The following AGAP1 variants were observed in gnomAD, a reference collection of about 807,000 sequenced individuals.
The protein encoded by AGAP1 is ArfGAP with GTPase domain, ankyrin repeat and PH domain 1.
Under a neutral mutation model 105.3 loss-of-function variants are expected in AGAP1, and 29 were observed. The observed-to-expected ratio is 0.28, with a 90% CI of 0.21 to 0.38. AGAP1 has a LOEUF of 0.38. AGAP1 is among the 10% of genes least tolerant of loss of function. The pLI is 1.00. For missense variants in AGAP1, 998 were observed against 1,165.1 expected (o/e 0.86, Z 2.09); for synonymous variants, 509 against 485.9 (o/e 1.05, Z -0.63).
intron 16 of AGAP1, among the ~76,000 whole-genome samples, chr2:236,052,067 C>T (rs575547050): frequency 3.3e-5 from 5 of 152,166 alleles, no homozygotes; most frequent in Non-Finnish European, 7.3e-5. Context: ...GGTCTCTCTG[C>T]AGAACCTACG....
Position 235,606,945 on chromosome 2 carries a change from G to GAA in AGAP1, c.164-102212_164-102211dup, listed in dbSNP as rs5839603. 2.6e-3 allele frequency among the ~76,000 whole-genome samples: 162 copies of GAA among 61,796 alleles called. 2 individuals carry two copies. The highest frequency in any genetic ancestry group is 0.013 in the South Asian group (18 of 1,428). 40.5% of individuals were successfully genotyped at this position (61,796 alleles called of 152,430 possible). A position where few individuals can be genotyped will look rare whatever the true frequency, so the allele number is the denominator to read the frequency against. ...ACAGAGCAAAGCAAGACTGCCTCTTGAAAAAAAAAAAAAAAAAAAAAAAGC... is the reference window on the plus strand; with the variant it reads ...ACAGAGCAAAGCAAGACTGCCTCTTGAAAAAAAAAAAAAAAAAAAAAAAAAGC... On this transcript the variant is annotated intron_variant, in intron 1 of 17. Coordinates refer to ENST00000304032, the MANE Select transcript of AGAP1 (RefSeq NM_001037131.3).
At chr2:235,670,258 G>A in intron 1 of AGAP1, 2 of 509,436 alleles carry the variant, frequency 3.9e-6, no homozygotes, top group African/African-American at 2.0e-5. Context: ...ACCCACGCCC[G>A]GTTCGGCGGC....
intron 9 of AGAP1, among the ~76,000 whole-genome samples, chr2:235,869,556 G>A (rs1165574033): frequency 6.6e-6 from 1 of 151,464 alleles, no homozygotes; most frequent in Non-Finnish European, 1.5e-5. Context: ...AGCCAAGATC[G>A]CGCCACTGCA....
chr2:236,098,123 G>T (rs1477131993), intron 16 of AGAP1, among the ~76,000 whole-genome samples: 1 of 152,152 alleles, frequency 6.6e-6, no homozygotes, highest in Admixed American at 6.5e-5. Context: ...TTTAGCTATT[G>T]TGAATAATGC....
At chr2:236,048,343 C>T (rs1473405234) in intron 15 of AGAP1, among the ~76,000 whole-genome samples, 1 of 152,224 alleles carries the variant, frequency 6.6e-6, no homozygotes, top group Admixed American at 6.5e-5. Context: ...CTGCACAATC[C>T]TTGCACTAGT....
rs1273950315 is a variant in AGAP1 at position 235,724,751 on chromosome 2, T to A, written c.310+7107T>A. Among the ~76,000 whole-genome samples the A allele has an allele frequency of 6.6e-6, 1 of 152,080 alleles. No individual in the cohort carries two copies. Among genetic ancestry groups the A allele is most frequent in the Non-Finnish European group, 1.5e-5 (1 of 67,992 alleles). On this transcript the variant is annotated intron_variant, in intron 3 of 17. Coordinates refer to ENST00000304032, the MANE Select transcript of AGAP1 (RefSeq NM_001037131.3). The surrounding 1 kb of genome is among the most constrained non-coding windows in gnomAD (Gnocchi z 4.9). ...GACCAGTGAGAAACAGTGGGTGAGA[T>A]TAGGCTCGACAGTTCCCTAACTCAG...
intron 13 of AGAP1, among the ~76,000 whole-genome samples, chr2:236,017,477 A>T (rs1013214275): frequency 1.3e-4 from 19 of 141,352 alleles, no homozygotes; most frequent in African/African-American, 4.9e-4. Flanking sequence ...GTCGTGTTAC[A>T]CTAAATATAT....
rs1235865134 is a variant in AGAP1 at position 236,054,589 on chromosome 2, CAT to C, written c.2114+5309_2114+5310del. 5.3e-5 allele frequency among the ~76,000 whole-genome samples: 8 copies of C among 152,006 alleles called. No individual in the cohort carries two copies. The South Asian group carries it at 8.4e-4, about 16-fold the overall frequency. On this transcript the variant is annotated intron_variant, in intron 16 of 17. Transcript: ENST00000304032. Reference sequence around the variant, plus strand: ...GCAGTTGGGTGGCATCTGCTCCCCACATGTCACTTTCCTCATTAACAAGCAAT... The same window carrying C: ...GCAGTTGGGTGGCATCTGCTCCCCACGTCACTTTCCTCATTAACAAGCAAT...
At chr2:236,071,094 G>A (rs528019839) in intron 16 of AGAP1, among the ~76,000 whole-genome samples, 4 of 152,368 alleles carry the variant, frequency 2.6e-5, no homozygotes, top group South Asian at 2.1e-4. Context: ...CGGCTTTGCC[G>A]GCATGGAGTG....
intron 13 of AGAP1, among the ~76,000 whole-genome samples, chr2:236,004,339 T>C (rs143934310): frequency 6.6e-6 from 1 of 152,340 alleles, no homozygotes; most frequent in African/African-American, 2.4e-5. Flanking sequence ...GATTTTAGTG[T>C]GCTGATTAGA....
intron 10 of AGAP1, among the ~76,000 whole-genome samples, chr2:235,885,314 C>T (rs562581384): frequency 6.6e-6 from 1 of 152,078 alleles, no homozygotes; most frequent in African/African-American, 2.4e-5. Flanking sequence ...TATAATATTC[C>T]ACTGTGTGGA....
At chr2:235,996,099 T>G (rs1363733872) in intron 13 of AGAP1, among the ~76,000 whole-genome samples, 1 of 152,212 alleles carries the variant, frequency 6.6e-6, no homozygotes, top group African/African-American at 2.4e-5. Flanking sequence ...CAAATAGCAG[T>G]GCCAGTTAAC....
rs1443814273 is a variant in AGAP1 at position 236,127,523 on chromosome 2, G to A, written c.*3401G>A. 1 of 152,200 alleles carries A rather than the reference G, an allele frequency of 6.6e-6. No individual in the cohort carries two copies. The highest frequency in any genetic ancestry group is 1.5e-5 in the Non-Finnish European group (1 of 68,050). 9.4% of individuals were successfully genotyped at this position (152,200 alleles called of 1,614,324 possible). ...GGGATCTTAATGAATTGCATTTCCT[G>A]CAGAGCCTCTAGTGCACAGGCCAGT... On this transcript the variant is annotated 3_prime_UTR_variant, in exon 18 of 18. Coordinates refer to ENST00000304032, the MANE Select transcript of AGAP1 (RefSeq NM_001037131.3). This position sits in a 1 kb window ranked among gnomAD's most constrained non-coding sequence, Gnocchi z 6.6.
chr2:236,041,388 T>G (rs1346910595), intron 15 of AGAP1, among the ~76,000 whole-genome samples: 2 of 149,826 alleles, frequency 1.3e-5, no homozygotes, highest in Non-Finnish European at 3.0e-5. Context: ...TGATGTCTTG[T>G]TTTTTTTTGG....
At chr2:235,588,086 C>T (rs925762614) in intron 1 of AGAP1, among the ~76,000 whole-genome samples, 1 of 151,978 alleles carries the variant, frequency 6.6e-6, no homozygotes, top group South Asian at 2.1e-4. Flanking sequence ...AAAAATCAGT[C>T]GGGCATGGTG....
rs926020028 is a variant in AGAP1 at position 235,927,642 on chromosome 2, G to A, written c.1325-3123G>A. On this transcript the variant is annotated intron_variant, in intron 11 of 17. Transcript: ENST00000304032. This position sits in a 1 kb window ranked among gnomAD's most constrained non-coding sequence, Gnocchi z 4.4. ...TGAGATTGACTTGGCTCTCCTTACT[G>A]TGTGTTGATACTTACTTCTGGAGCT... Among the ~76,000 whole-genome samples, 18 of 152,188 alleles carry A rather than the reference G, an allele frequency of 1.2e-4. No homozygotes were observed. The highest frequency in any genetic ancestry group is 4.3e-4 in the African/African-American group (18 of 41,444).
rs568359813 is a variant in AGAP1 at position 235,671,161 on chromosome 2, C to T, written c.164-38018C>T. On this transcript the variant is annotated intron_variant, in intron 1 of 17. Transcript: ENST00000304032. ...CGCCCTCCCGGGTCGGGAGCCTGCA[C>T]GTGGCCTCGAGGGATGCGAACTCGG... is the stretch of plus-strand genomic sequence containing the variant. The T allele has an allele frequency of 1.2e-5, 14 of 1,192,854 alleles. No individual in the cohort carries two copies. In the East Asian group the frequency reaches 1.3e-4, roughly 11 times the overall value. 73.9% of individuals were successfully genotyped at this position (1,192,854 alleles called of 1,614,324 possible). A position where few individuals can be genotyped will look rare whatever the true frequency, so the allele number is the denominator to read the frequency against.
chr2:235,619,157 G>A (rs1946396567), intron 1 of AGAP1, among the ~76,000 whole-genome samples: 1 of 152,194 alleles, frequency 6.6e-6, no homozygotes. Flanking sequence ...TTGGATGTAA[G>A]GTAAGAAATG....
Position 235,573,054 on chromosome 2 carries a change from CTT to C in AGAP1, c.163+78206_163+78207del, listed in dbSNP as rs1480625616. 5.4e-4 allele frequency among the ~76,000 whole-genome samples: 12 copies of C among 22,184 alleles called. 2 individuals carry two copies. The highest frequency in any genetic ancestry group is 2.7e-3 in the African/African-American group (10 of 3,666). 14.6% of individuals were successfully genotyped at this position (22,184 alleles called of 152,430 possible). ...TCTTCTTCTTCTTCTTCTTCTTCTT[CTT>C]CTTCTTTCTTCTTTCTTCTTTCTTC... On this transcript the variant is annotated intron_variant, in intron 1 of 17. Transcript: ENST00000304032.
Sources: allele counts gnomAD v4.1 joint callset (sites outside exome capture counted in the v4.1 genomes callset), GRCh38; gene constraint gnomAD v4.1.1; non-coding constraint Gnocchi (gnomAD v3.1); transcripts MANE v1.5; gene names NCBI Gene and HGNC (gene_info 2026-07-23, HGNC 2026-07-21).